ROBO2: variants seen among roughly 807,000 people sequenced by gnomAD.
ROBO2 encodes roundabout homolog 2.
A neutral mutation model predicts 160.8 loss-of-function variants in ROBO2; 53 were observed. The ratio of observed to expected loss-of-function variants is 0.33; its 90% CI spans 0.26 to 0.41. The LOEUF (loss-of-function observed/expected upper bound fraction) is 0.41, where lower values mean the gene tolerates loss of function less well. Among genes scored for constraint, ROBO2 ranks in the 10% least tolerant of loss-of-function variants. The pLI, the probability that ROBO2 is intolerant of heterozygous loss-of-function variation, is 1.00. For synonymous variants in ROBO2, 664 were observed against 611.7 expected (o/e 1.09, Z -1.26); for missense variants, 1,577 against 1,722.4 (o/e 0.92, Z 1.49).
intron 23 of ROBO2, chr3:77,630,313 C>A (rs576652544): frequency 1.3e-5 from 2 of 151,390 alleles, no homozygotes; most frequent in African/African-American, 2.5e-5. Flanking sequence ...CAGTTCCACA[C>A]GGCTGGAGAG....
chr3:77,167,014 C>T (rs888087347), intron 2 of ROBO2, among the ~76,000 whole-genome samples: 1 of 152,082 alleles, frequency 6.6e-6, no homozygotes, highest in Non-Finnish European at 1.5e-5. Context: ...GCATCTGGCC[C>T]GTAGGAGGTA....
chr3:77,437,066 G>A lies in ROBO2; in HGVS notation c.389-40348G>A, dbSNP rs147573845. ...ACAAATGGAATTCATGCAAGAAAAT[G>A]TGTTTCTGAATACCTTGCATAGTCC... On this transcript the variant is annotated intron_variant, in intron 2 of 25. Transcript: ENST00000461745. Among the ~76,000 whole-genome samples, 273 of 152,090 alleles carry A rather than the reference G, an allele frequency of 1.8e-3. 2 individuals are homozygous for A. Among genetic ancestry groups the A allele is most frequent in the African/African-American group, 5.4e-3 (225 of 41,542 alleles).
chr3:76,022,493 A>G (rs1273048506), intron 2 of ROBO2, among the ~76,000 whole-genome samples: 1 of 151,790 alleles, frequency 6.6e-6, no homozygotes, highest in Non-Finnish European at 1.5e-5. Flanking sequence ...TTACTCCTTG[A>G]TTCAGCGGCT....
intron 2 of ROBO2, among the ~76,000 whole-genome samples, chr3:76,016,692 C>T (rs1343390910): frequency 6.6e-6 from 1 of 151,808 alleles, no homozygotes; most frequent in Non-Finnish European, 1.5e-5. Context: ...TGCCGTGGGC[C>T]ATATTGAAAG....
chr3:76,035,736 C>G (rs1337447510), intron 2 of ROBO2, among the ~76,000 whole-genome samples: 1 of 152,016 alleles, frequency 6.6e-6, no homozygotes, highest in Non-Finnish European at 1.5e-5. Flanking sequence ...ACATAATTCC[C>G]ATACACATTT....
exon 22 of ROBO2, chr3:77,617,749 A>C (rs1373213359): frequency 6.2e-7 from 1 of 1,613,548 alleles, no homozygotes; most frequent in Admixed American, 1.7e-5. Flanking sequence ...AGAGCCTATC[A>C]GTTTGATATA....
chr3:76,939,400 CT>C (rs2077998731), intron 2 of ROBO2, among the ~76,000 whole-genome samples: 1 of 152,144 alleles, frequency 6.6e-6, no homozygotes, highest in Admixed American at 6.5e-5. Context: ...TAAATGAAGA[CT>C]TAATACCAGT....
exon 21 of ROBO2, chr3:77,607,877 C>T (rs1169767772): frequency 6.2e-7 from 1 of 1,613,826 alleles, no homozygotes; most frequent in African/African-American, 1.3e-5. Context: ...GGGCCAATGT[C>T]CCTCTACCTC....
intron 2 of ROBO2, among the ~76,000 whole-genome samples, chr3:76,735,786 A>AAAAAAAAGGGG (rs1553886639): frequency 7.9e-6 from 1 of 126,600 alleles, no homozygotes. Context: ...GAAAAAAAAA[A>AAAAAAAAGGGG]GGGGAAAGGG....
At chr3:77,283,216 G>T (rs2060358672) in intron 2 of ROBO2, among the ~76,000 whole-genome samples, 1 of 152,092 alleles carries the variant, frequency 6.6e-6, no homozygotes, top group Non-Finnish European at 1.5e-5. Flanking sequence ...TGTAAATACT[G>T]TTAAGCTAGA....
At chr3:76,902,686 G>A (rs1341185197) in intron 2 of ROBO2, among the ~76,000 whole-genome samples, 2 of 150,908 alleles carry the variant, frequency 1.3e-5, no homozygotes, top group African/African-American at 4.9e-5. Context: ...ATTGCTTATT[G>A]CAAGAGTAAA....
At chr3:76,847,500 C>G (rs1429843873) in intron 2 of ROBO2, among the ~76,000 whole-genome samples, 2 of 152,102 alleles carry the variant, frequency 1.3e-5, no homozygotes, top group Non-Finnish European at 2.9e-5. Context: ...GAGAGTGATA[C>G]TTTTCTCTAT....
At chr3:76,082,979 G>A (rs1379494288) in intron 2 of ROBO2, among the ~76,000 whole-genome samples, 3 of 152,032 alleles carry the variant, frequency 2.0e-5, no homozygotes, top group African/African-American at 7.2e-5. Context: ...TCAACCAAAC[G>A]TGTTTGGTGA....
In ROBO2 at chr3:77,541,759, G is replaced by T. The variant is rs189083442; in HGVS notation, c.935-4579G>T. Reference sequence around the variant, plus strand: ...GGATATTACATCATAGTTAACAAAAGATTTTTCCAATGCTTTCAGGTTTTA... The same window carrying T: ...GGATATTACATCATAGTTAACAAAATATTTTTCCAATGCTTTCAGGTTTTA... On this transcript the variant is annotated intron_variant, in intron 6 of 25. Transcript: ENST00000461745. 2.5e-4 allele frequency among the ~76,000 whole-genome samples: 38 copies of T among 152,218 alleles called. No homozygotes were observed. In the East Asian group the frequency reaches 7.3e-3, roughly 29 times the overall value.
chr3:75,986,077 A>G (rs918375846), intron 2 of ROBO2, among the ~76,000 whole-genome samples: 8 of 151,598 alleles, frequency 5.3e-5, no homozygotes, highest in African/African-American at 9.7e-5. Flanking sequence ...GTGCTGGATT[A>G]TATGTACTTA....
intron 2 of ROBO2, among the ~76,000 whole-genome samples, chr3:76,024,180 TATAAC>T (rs2066660400): frequency 6.6e-6 from 1 of 151,452 alleles, no homozygotes; most frequent in Admixed American, 6.6e-5. Flanking sequence ...AAGTAGCACT[TATAAC>T]ATTAAAATGA....
chr3:76,762,445 G>GC (rs1459623874), intron 2 of ROBO2, among the ~76,000 whole-genome samples: 1 of 140,180 alleles, frequency 7.1e-6, no homozygotes, highest in Non-Finnish European at 1.5e-5. Flanking sequence ...GAATCCAGCT[G>GC]TTTTTTTTTT....
chr3:75,996,347 G>A (rs147484752), intron 2 of ROBO2, among the ~76,000 whole-genome samples: 104 of 152,260 alleles, frequency 6.8e-4, no homozygotes, highest in South Asian at 1.5e-3. Flanking sequence ...TTTCATAAGC[G>A]TCTGGCGTTT....
At chr3:75,917,228 C>T (rs1946850357) in intron 1 of ROBO2, among the ~76,000 whole-genome samples, 1 of 152,086 alleles carries the variant, frequency 6.6e-6, no homozygotes, top group Non-Finnish European at 1.5e-5. Context: ...GTGATGTTCC[C>T]CTCCCTGTGT....
Sources: gnomAD v4.1 joint callset for allele counts (sites outside exome capture counted in the v4.1 genomes callset) on GRCh38, gnomAD v4.1.1 for gene constraint, MANE v1.5 for transcripts, NCBI Gene and HGNC (gene_info 2026-07-23, HGNC 2026-07-21) for gene names.